TMOD2: variants seen among roughly 807,000 people sequenced by gnomAD.
TMOD2 encodes tropomodulin-2.
TMOD2 carries 22 observed loss-of-function variants against 39.9 expected under a neutral mutation model. That is an observed-to-expected ratio of 0.55 (90% CI 0.39 to 0.79). The LOEUF is 0.79. TMOD2 is among the 30% of genes least tolerant of loss of function. The probability of loss-of-function intolerance (pLI) is 0.00; values close to 1 mark genes in which losing one functional copy is unlikely to be tolerated. For synonymous variants in TMOD2, 123 were observed against 146.1 expected (o/e 0.84, Z 1.14); for missense variants, 386 against 413.3 (o/e 0.93, Z 0.57).
At chr15:51,767,374 A>C (rs919962609) in intron 2 of TMOD2, among the ~76,000 whole-genome samples, 3 of 152,188 alleles carry the variant, frequency 2.0e-5, no homozygotes, top group Admixed American at 6.5e-5. Context: ...ATGCACAAAT[A>C]ATGTGAACTC....
At chr15:51,776,537 T>C (rs867688071) in intron 4 of TMOD2, among the ~76,000 whole-genome samples, 2 of 152,202 alleles carry the variant, frequency 1.3e-5, no homozygotes. Flanking sequence ...TGGAAAAATA[T>C]ATGCAGTAAT....
chr15:51,803,712 A>G (rs2056104624), intron 8 of TMOD2, among the ~76,000 whole-genome samples: 1 of 152,240 alleles, frequency 6.6e-6, no homozygotes. Context: ...ACATTTGACA[A>G]AGGGCTAATT....
intron 8 of TMOD2, among the ~76,000 whole-genome samples, chr15:51,800,275 C>T (rs1181541947): frequency 2.0e-5 from 3 of 152,196 alleles, no homozygotes; most frequent in African/African-American, 7.2e-5. Flanking sequence ...GAAGTACAGC[C>T]TGTAATCCCA....
At chr15:51,757,071 A>G (rs1197959652) in intron 1 of TMOD2, among the ~76,000 whole-genome samples, 1 of 152,196 alleles carries the variant, frequency 6.6e-6, no homozygotes, top group Non-Finnish European at 1.5e-5. Context: ...CGGTGCACTA[A>G]TTGTTTAAAA....
intron 1 of TMOD2, among the ~76,000 whole-genome samples, chr15:51,752,201 A>G (rs1262571613): frequency 6.6e-6 from 1 of 152,066 alleles, no homozygotes; most frequent in Non-Finnish European, 1.5e-5. Flanking sequence ...TGGAGCTGTC[A>G]CTCGCAGGGC....
chr15:51,772,556 G>C (rs1329226993), intron 3 of TMOD2, among the ~76,000 whole-genome samples: 1 of 152,136 alleles, frequency 6.6e-6, no homozygotes, highest in East Asian at 1.9e-4. Flanking sequence ...GAAGTGAGCA[G>C]GGGACAAAAT....
rs2056177380 is a variant in TMOD2 at position 51,814,728 on chromosome 15, C to A, written c.*6274C>A. On this transcript the variant is annotated 3_prime_UTR_variant, in exon 10 of 10. Transcript: ENST00000249700. The stretch of plus-strand genomic sequence containing the variant: ...ATCTGTAAAATGAAGTGAGTAGATT[C>A]AATGCTCCCTAAGGTCCCTTCCAGC... The A allele has an allele frequency of 6.6e-6, 1 of 152,180 alleles. No individual in the cohort carries two copies. The highest frequency in any genetic ancestry group is 2.4e-5 in the African/African-American group (1 of 41,442). 9.4% of individuals were successfully genotyped at this position (152,180 alleles called of 1,614,324 possible).
Position 51,777,090 on chromosome 15 carries a change from G to C in TMOD2, c.493+72G>C, listed in dbSNP as rs924292143. The C allele has an allele frequency of 9.3e-6, 12 of 1,292,796 alleles. 1 individual carries two copies. The highest frequency in any genetic ancestry group is 3.7e-4 in the Middle Eastern group (2 of 5,440). 80.1% of individuals were successfully genotyped at this position (1,292,796 alleles called of 1,614,324 possible). On this transcript the variant is annotated intron_variant, in intron 5 of 9. Coordinates refer to ENST00000249700, the MANE Select transcript of TMOD2 (RefSeq NM_014548.4). The stretch of plus-strand genomic sequence containing the variant: ...AGAGTTGCTGGTAGGAGAGAGGCCT[G>C]TTGAGTCTTGCAGGCTTTACACTCT...
At chr15:51,784,203 A>G (rs1221570469) in intron 7 of TMOD2, 1 of 152,248 alleles carries the variant, frequency 6.6e-6, no homozygotes, top group Admixed American at 6.5e-5. Flanking sequence ...AAGCTATGCT[A>G]GATTTACACA....
intron 1 of TMOD2, among the ~76,000 whole-genome samples, chr15:51,752,195 G>A (rs971775153): frequency 6.6e-6 from 1 of 152,146 alleles, no homozygotes; most frequent in Non-Finnish European, 1.5e-5. Context: ...GATCGCTGGA[G>A]CTGTCACTCG....
chr15:51,800,393 A>G (rs1404359590), intron 8 of TMOD2, among the ~76,000 whole-genome samples: 2 of 152,192 alleles, frequency 1.3e-5, no homozygotes, highest in African/African-American at 2.4e-5. Flanking sequence ...GAAATTACCC[A>G]GGTGTGGTGG....
rs2056186291 is a variant in TMOD2 at position 51,815,983 on chromosome 15, T to C, written c.*7529T>C. ...AGCAGTTATTGAAAACTCCGCATAG[T>C]TTTATTTTCCATTTGAAACTTCAAT... On this transcript the variant is annotated 3_prime_UTR_variant, in exon 10 of 10. Coordinates refer to ENST00000249700, the MANE Select transcript of TMOD2 (RefSeq NM_014548.4). 1 of 152,222 alleles carries C rather than the reference T, an allele frequency of 6.6e-6. No homozygotes were observed. Among genetic ancestry groups the C allele is most frequent in the South Asian group, 2.1e-4 (1 of 4,836 alleles). The allele number at this position is 152,222 out of a possible 1,614,324, so 9.4% of individuals were successfully genotyped here.
At chr15:51,794,871 A>G (rs989209661) in intron 7 of TMOD2, among the ~76,000 whole-genome samples, 1 of 152,056 alleles carries the variant, frequency 6.6e-6, no homozygotes, top group African/African-American at 2.4e-5. Flanking sequence ...ATTTTCACAC[A>G]TTTGAGCTTT....
chr15:51,787,358 T>A (rs944848066), intron 7 of TMOD2, among the ~76,000 whole-genome samples: 2 of 152,182 alleles, frequency 1.3e-5, no homozygotes, highest in Non-Finnish European at 2.9e-5. Context: ...AAGCTCGAAC[T>A]GGGCGGGGCC....
At chr15:51,794,793 A>T (rs17526337) in intron 7 of TMOD2, among the ~76,000 whole-genome samples, 19,010 of 152,196 alleles carry the variant, frequency 0.12, 1,557 homozygotes, top group Admixed American at 0.23. Context: ...ATAAAAGATG[A>T]GGGTAGTTCT....
chr15:51,808,874 T>C lies in TMOD2; in HGVS notation c.*420T>C. ...ATGCATAGCTTTGAGTTAGGCTAAA[T>C]ACATCAGAAGTGTTCTACTGACCAC... On this transcript the variant is annotated 3_prime_UTR_variant, in exon 10 of 10. Coordinates refer to ENST00000249700, the MANE Select transcript of TMOD2 (RefSeq NM_014548.4). 1 of 157,140 alleles carries C rather than the reference T, an allele frequency of 6.4e-6. No individual in the cohort carries two copies. Among genetic ancestry groups the C allele is most frequent in the South Asian group, 1.9e-4 (1 of 5,150 alleles). 9.7% of individuals were successfully genotyped at this position (157,140 alleles called of 1,614,324 possible).
At position 51,798,331 on chromosome 15, in the gene TMOD2, T is replaced by G; in HGVS notation, c.867T>G (p.Ile289Met). 6.2e-7 allele frequency: 1 copy of G among 1,613,608 alleles called. No homozygotes were observed. The stretch of plus-strand genomic sequence containing the variant: ...ATGACACCTTGACAGAAATCAAGAT[T>G]GACAACCAGGTAAGGAAGGCCAGAG... ...KENDTLTEIK[I>M]DNQRQQLGTA... Residue 289 changes from isoleucine to methionine, a missense_variant, in exon 8 of 10, where the codon ATT becomes ATG. Physicochemically the swap from Ile to Met is conservative, Grantham distance 10. Transcript: ENST00000249700.
intron 7 of TMOD2, among the ~76,000 whole-genome samples, chr15:51,788,079 T>C (rs2055983320): frequency 6.6e-6 from 1 of 152,172 alleles, no homozygotes; most frequent in South Asian, 2.1e-4. Flanking sequence ...CATGTTCTAA[T>C]CCATTGCAAG....
In TMOD2 at chr15:51,766,544, G is replaced by T; in HGVS notation, c.103G>T (p.Val35Phe). 6.2e-7 allele frequency: 1 copy of T among 1,614,098 alleles called. No individual in the cohort carries two copies. Among genetic ancestry groups the T allele is most frequent in the Non-Finnish European group, 8.5e-7 (1 of 1,179,986 alleles). ...AGAGGAACTGAAACAGTTGGAAAATGTTCTAGATGACCTAGATCCTGAGGT... is the reference window on the plus strand; with the variant it reads ...AGAGGAACTGAAACAGTTGGAAAATTTTCTAGATGACCTAGATCCTGAGGT... ...SEEELKQLEN[V>F]LDDLDPESAM... The change falls in exon 2 of 10, where the codon GTT (valine) becomes TTT (phenylalanine). Residue 35 changes from valine to phenylalanine, a missense_variant. By Grantham distance (50) the Val-to-Phe change is conservative. Coordinates refer to ENST00000249700, the MANE Select transcript of TMOD2 (RefSeq NM_014548.4).
Sources: gnomAD v4.1 joint callset for allele counts (sites outside exome capture counted in the v4.1 genomes callset) on GRCh38, gnomAD v4.1.1 for gene constraint, MANE v1.5 for transcripts, NCBI Gene and HGNC (gene_info 2026-07-23, HGNC 2026-07-21) for gene names.